Variants in DIPK2A observed in about 807,000 individuals in gnomAD.
DIPK2A encodes divergent protein kinase domain 2A.
A neutral mutation model predicts 39.0 loss-of-function variants in DIPK2A; 27 were observed. The ratio of observed to expected loss-of-function variants is 0.69; its 90% CI spans 0.51 to 0.96. The LOEUF is 0.96. Ranked by LOEUF, DIPK2A falls within the 40% of genes least tolerant of loss-of-function variation. DIPK2A has a pLI of 0.00. For synonymous variants in DIPK2A, 298 were observed against 240.8 expected, an observed-to-expected ratio of 1.24 and a Z score of -2.20; for missense variants, 528 against 571.3, an observed-to-expected ratio of 0.92 and a Z score of 0.77.
intron 1 of DIPK2A, chr3:143,973,601 G>A: frequency 1.4e-6 from 2 of 1,474,702 alleles, no homozygotes; most frequent in Non-Finnish European, 1.9e-6. Context: ...GGTGGGATTA[G>A]AATCAGAAAC....
chr3:143,983,879 A>G (rs1314387464), intron 1 of DIPK2A, among the ~76,000 whole-genome samples: 1 of 152,128 alleles, frequency 6.6e-6, no homozygotes, highest in Non-Finnish European at 1.5e-5. Flanking sequence ...TTTCATCTAC[A>G]TTTTGTATTG....
At chr3:143,984,938 C>G (rs908187501) in intron 1 of DIPK2A, among the ~76,000 whole-genome samples, 2 of 152,168 alleles carry the variant, frequency 1.3e-5, no homozygotes, top group African/African-American at 4.8e-5. Context: ...GAATTCCACC[C>G]CATCTGCTTC....
At chr3:143,973,331 A>G (rs1012388006) in intron 1 of DIPK2A, 26 of 1,539,944 alleles carry the variant, frequency 1.7e-5, no homozygotes, top group Non-Finnish European at 2.0e-5. Flanking sequence ...TTCTGCTTTT[A>G]TCTGCCGGGG....
At chr3:143,973,664 A>C in intron 1 of DIPK2A, 1 of 839,200 alleles carries the variant, frequency 1.2e-6, no homozygotes, top group East Asian at 2.7e-5. Flanking sequence ...AAGGCCAGAC[A>C]GACGTTTTCA....
chr3:143,989,475 AT>A (rs1372919692), intron 2 of DIPK2A, 34 bp from the exon 3 acceptor site: 3 of 1,458,954 alleles, frequency 2.1e-6, no homozygotes, highest in Non-Finnish European at 1.9e-6. Flanking sequence ...TATTTAAAAA[AT>A]TTTTTTCTAC....
chr3:143,975,961 ATACT>A, intron 1 of DIPK2A, among the ~76,000 whole-genome samples: 1 of 152,238 alleles, frequency 6.6e-6, no homozygotes. Flanking sequence ...GAACTGAAAA[ATACT>A]TACGAATTTA....
rs1358459482 is a variant in DIPK2A, at chr3:143,992,183, T to G, written c.*2342T>G. On this transcript the variant is annotated 3_prime_UTR_variant, in exon 3 of 3. Coordinates refer to ENST00000315691, the MANE Select transcript of DIPK2A (RefSeq NM_173552.5). ...ATTTATATTTTTAATCATTGCCCAT[T>G]AATAGACGCAGTAAAATATTTTTGA... is the stretch of plus-strand genomic sequence containing the variant. 6.6e-6 allele frequency: 1 copy of G among 152,658 alleles called. No homozygotes were observed. The highest frequency in any genetic ancestry group is 1.5e-5 in the Non-Finnish European group (1 of 68,030). The allele number at this position is 152,658 out of a possible 1,614,324, so 9.5% of individuals were successfully genotyped here. A position where few individuals can be genotyped will look rare whatever the true frequency, so the allele number is the denominator to read the frequency against.
chr3:143,978,702 A>ATATAGATATATATATAT, intron 1 of DIPK2A, among the ~76,000 whole-genome samples: 1 of 141,758 alleles, frequency 7.1e-6, no homozygotes, highest in Non-Finnish European at 1.5e-5. Flanking sequence ...ATATATATAT[A>ATATAGATATATATATAT]CTGTCACATG....
chr3:143,986,229 G>A (rs1169964739), intron 2 of DIPK2A: 1 of 163,820 alleles, frequency 6.1e-6, no homozygotes. Context: ...ATTGAATTCT[G>A]TACTGAAAGT....
intron 1 of DIPK2A, among the ~76,000 whole-genome samples, chr3:143,976,019 A>G (rs1013016321): frequency 4.6e-5 from 7 of 152,106 alleles, no homozygotes; most frequent in African/African-American, 1.7e-4. Context: ...ACAGTAAAAA[A>G]TTGAAGTTGC....
At chr3:143,981,995 G>A (rs2087834333) in intron 1 of DIPK2A, among the ~76,000 whole-genome samples, 1 of 152,182 alleles carries the variant, frequency 6.6e-6, no homozygotes, top group Non-Finnish European at 1.5e-5. Context: ...GATCTAGGTA[G>A]ATTATTAGGT....
chr3:143,983,778 T>C (rs542609403), intron 1 of DIPK2A, among the ~76,000 whole-genome samples: 1 of 152,310 alleles, frequency 6.6e-6, no homozygotes, highest in African/African-American at 2.4e-5. Flanking sequence ...AGCTGGTTTT[T>C]TGAAAAGATT....
At chr3:143,984,262 C>T (rs142105078) in intron 1 of DIPK2A, among the ~76,000 whole-genome samples, 6 of 152,270 alleles carry the variant, frequency 3.9e-5, no homozygotes, top group South Asian at 4.2e-4. Context: ...CGTAGCACTT[C>T]TGATTTCTTT....
rs1227331242 is a variant in DIPK2A at position 143,989,846 on chromosome 3, T to C, written c.*5T>C. ...TTAAGTAACAACGTGAGGTAGTCTA[T>C]GGTGAACTTTTCTTTTTTTCTCCAT... On this transcript the variant is annotated 3_prime_UTR_variant, in exon 3 of 3. Transcript: ENST00000315691. 2 of 1,598,546 alleles carry C rather than the reference T, an allele frequency of 1.3e-6. No homozygotes were observed. The highest frequency in any genetic ancestry group is 3.3e-4 in the Middle Eastern group (2 of 5,998).
At chr3:143,976,836 T>C (rs929614802) in intron 1 of DIPK2A, among the ~76,000 whole-genome samples, 1 of 152,076 alleles carries the variant, frequency 6.6e-6, no homozygotes, top group African/African-American at 2.4e-5. Context: ...TCTATTCTTA[T>C]AAATGATATA....
chr3:143,972,776 C>A lies in DIPK2A; in HGVS notation c.444C>A (p.Arg148=), dbSNP rs368405616. The stretch of plus-strand genomic sequence containing the variant: ...CCATGCCCCGGACCGAGTTCGCGCG[C>A]CTCAACGGCGACGTGCGTCTGCTCA... ...LQAMPRTEFA[R]LNGDVRLLTP... Residue 148 remains arginine, a synonymous_variant, in exon 1 of 3, where the codon CGC becomes CGA. Transcript: ENST00000315691. 2 of 1,570,604 alleles carry A rather than the reference C, an allele frequency of 1.3e-6. 1 individual carries two copies. The highest frequency in any genetic ancestry group is 4.6e-5 in the East Asian group (2 of 43,092).
chr3:143,973,449 C>G (rs1204863395), intron 1 of DIPK2A: 1 of 1,551,180 alleles, frequency 6.4e-7, no homozygotes, highest in African/African-American at 1.4e-5. Context: ...TGGTGGCTGG[C>G]CTAACTTCGG....
At chr3:143,977,429 T>C (rs988582248) in intron 1 of DIPK2A, among the ~76,000 whole-genome samples, 9 of 152,032 alleles carry the variant, frequency 5.9e-5, no homozygotes, top group Admixed American at 3.9e-4. Context: ...TTCAAGCCTT[T>C]CTTCCTACCC....
At chr3:143,977,840 G>A (rs1030544007) in intron 1 of DIPK2A, among the ~76,000 whole-genome samples, 1 of 152,034 alleles carries the variant, frequency 6.6e-6, no homozygotes. Flanking sequence ...AGGGGGTGGG[G>A]ACTTTTATTT....
Sources: gnomAD v4.1 joint callset for allele counts (sites outside exome capture counted in the v4.1 genomes callset) on GRCh38, gnomAD v4.1.1 for gene constraint, MANE v1.5 for transcripts, NCBI Gene and HGNC (gene_info 2026-07-23, HGNC 2026-07-21) for gene names.